ITGBL1: variants seen among roughly 807,000 people sequenced by gnomAD.
The protein encoded by ITGBL1 is integrin subunit beta like 1, also known as integrin beta-like protein 1.
ITGBL1 carries 51 observed loss-of-function variants against 68.5 expected under a neutral mutation model. The ratio of observed to expected loss-of-function variants is 0.74; its 90% CI spans 0.59 to 0.94. ITGBL1 has a LOEUF of 0.94. Among genes scored for constraint, ITGBL1 ranks in the 40% least tolerant of loss-of-function variants. The probability of loss-of-function intolerance (pLI) is 0.00; values close to 1 mark genes in which losing one functional copy is unlikely to be tolerated. For missense variants in ITGBL1, 649 were observed against 647.4 expected (o/e 1.00, Z -0.03); for synonymous variants, 209 against 227.3 (o/e 0.92, Z 0.72).
chr13:101,536,558 A>C (rs2049580416), intron 2 of ITGBL1, among the ~76,000 whole-genome samples: 1 of 151,966 alleles, frequency 6.6e-6, no homozygotes, highest in Non-Finnish European at 1.5e-5. Flanking sequence ...GATTTGAGGC[A>C]AGTCAGTTGG....
chr13:101,539,613 T>C (rs1282608078), intron 2 of ITGBL1, among the ~76,000 whole-genome samples: 2 of 151,938 alleles, frequency 1.3e-5, no homozygotes, highest in East Asian at 3.9e-4. Context: ...TTTAGATCCC[T>C]GAGGAATCGC....
intron 7 of ITGBL1, among the ~76,000 whole-genome samples, chr13:101,648,975 C>G (rs1053623971): frequency 6.6e-6 from 1 of 151,972 alleles, no homozygotes; most frequent in Non-Finnish European, 1.5e-5. Flanking sequence ...ATAAGTGATA[C>G]TAAGATTGAC....
intron 7 of ITGBL1, among the ~76,000 whole-genome samples, chr13:101,611,984 T>C (rs1376656639): frequency 6.6e-6 from 1 of 152,192 alleles, no homozygotes; most frequent in Non-Finnish European, 1.5e-5. Context: ...ACCAAGAGTC[T>C]GCTTGGGATT....
At chr13:101,605,544 A>G (rs886574125) in intron 7 of ITGBL1, among the ~76,000 whole-genome samples, 2 of 151,804 alleles carry the variant, frequency 1.3e-5, no homozygotes, top group African/African-American at 2.4e-5. Flanking sequence ...GCGTATATAT[A>G]CACGTATTTA....
chr13:101,638,684 G>A (rs1231161495), intron 7 of ITGBL1, among the ~76,000 whole-genome samples: 1 of 152,052 alleles, frequency 6.6e-6, no homozygotes, highest in Non-Finnish European at 1.5e-5. Context: ...TCACTACCAT[G>A]AGAGCAATAT....
At chr13:101,615,660 A>G (rs1267162200) in intron 7 of ITGBL1, among the ~76,000 whole-genome samples, 4 of 151,952 alleles carry the variant, frequency 2.6e-5, no homozygotes, top group Admixed American at 2.6e-4. Flanking sequence ...GTGGTAGTAC[A>G]TGCCTGTAGT....
At position 101,540,412 on chromosome 13, in the gene ITGBL1, A is replaced by T. The variant is rs1299927724; in HGVS notation, c.317-27287A>T. Among the ~76,000 whole-genome samples the T allele has an allele frequency of 2.0e-5, 3 of 152,168 alleles. No homozygotes were observed. The South Asian group carries it at 6.2e-4, about 32-fold the overall frequency. ...GCTCTGTTCTGTTCCATTGGTCTAT[A>T]TCTCTGTTTTGGTACCAGTACCATG... On this transcript the variant is annotated intron_variant, in intron 2 of 10. Coordinates refer to ENST00000376180, the MANE Select transcript of ITGBL1 (RefSeq NM_004791.3).
chr13:101,551,652 T>C (rs2049922265), intron 2 of ITGBL1, among the ~76,000 whole-genome samples: 1 of 152,218 alleles, frequency 6.6e-6, no homozygotes, highest in South Asian at 2.1e-4. Flanking sequence ...GAATTTCCTT[T>C]TCTAGAAGTG....
chr13:101,469,804 C>G (rs906050902), intron 2 of ITGBL1, among the ~76,000 whole-genome samples: 4 of 152,278 alleles, frequency 2.6e-5, no homozygotes, highest in Middle Eastern at 3.4e-3. Flanking sequence ...CTGAATTTAA[C>G]AATCTTTTCC....
chr13:101,594,134 T>G (rs1232268084), intron 6 of ITGBL1, among the ~76,000 whole-genome samples: 1 of 152,098 alleles, frequency 6.6e-6, no homozygotes, highest in Non-Finnish European at 1.5e-5. Context: ...TAAAGCAATC[T>G]TCAGCAAGAA....
intron 4 of ITGBL1, 71 bp downstream of exon 4, chr13:101,575,617 C>G (rs1470368876): frequency 1.4e-6 from 2 of 1,480,570 alleles, no homozygotes; most frequent in African/African-American, 2.8e-5. Context: ...GTTCTTTTAT[C>G]TCTACATAAG....
At chr13:101,549,397 C>CG (rs2049883006) in intron 2 of ITGBL1, among the ~76,000 whole-genome samples, 2 of 151,544 alleles carry the variant, frequency 1.3e-5, no homozygotes, top group Non-Finnish European at 3.0e-5. Flanking sequence ...ATATATGTCA[C>CG]AAAACTTAGA....
chr13:101,564,120 T>C (rs747455218), intron 2 of ITGBL1, among the ~76,000 whole-genome samples: 26 of 151,896 alleles, frequency 1.7e-4, no homozygotes, highest in Non-Finnish European at 3.7e-4. Flanking sequence ...GTGCAAGCTT[T>C]TTTGCTGATG....
At position 101,454,079 on chromosome 13, in the gene ITGBL1, T is replaced by C; in HGVS notation, c.295T>C (p.Tyr99His). 2 of 1,581,808 alleles carry C rather than the reference T, an allele frequency of 1.3e-6. No homozygotes were observed. The highest frequency in any genetic ancestry group is 1.8e-5 in the Admixed American group (1 of 55,766). ...CECHEWVCET[Y>H]DGSTCAGHGK... ...GTGCCATGAGTGGGTGTGCGAGACC[T>C]ACGACGGGAGCACCTGTGCAGGTAA... The change falls in exon 2 of 11, where the codon TAC becomes CAC. Residue 99 changes from tyrosine (Y) to histidine (H), a missense_variant. Coordinates refer to ENST00000376180, the MANE Select transcript of ITGBL1 (RefSeq NM_004791.3).
chr13:101,676,355 G>GAT (rs1179140561), intron 7 of ITGBL1, among the ~76,000 whole-genome samples: 1 of 152,002 alleles, frequency 6.6e-6, no homozygotes. Flanking sequence ...TATAGATATA[G>GAT]ATATATATCC....
rs1489957314 is a variant in ITGBL1, at chr13:101,520,826, T to A, written c.317-46873T>A. Among the ~76,000 whole-genome samples, 9 of 151,822 alleles carry A rather than the reference T, an allele frequency of 5.9e-5. 1 individual carries two copies. The highest frequency in any genetic ancestry group is 1.7e-4 in the African/African-American group (7 of 41,318). ...ACAAAGCCAAGGGGCCTAAAGGAGGTGGAAATGCAGCATACTAGAGGCCAG... is the reference window on the plus strand; with the variant it reads ...ACAAAGCCAAGGGGCCTAAAGGAGGAGGAAATGCAGCATACTAGAGGCCAG... On this transcript the variant is annotated intron_variant, in intron 2 of 10. Coordinates refer to ENST00000376180, the MANE Select transcript of ITGBL1 (RefSeq NM_004791.3).
intron 6 of ITGBL1, among the ~76,000 whole-genome samples, chr13:101,593,438 A>G (rs1269486755): frequency 6.6e-6 from 1 of 152,068 alleles, no homozygotes; most frequent in African/African-American, 2.4e-5. Context: ...TATCCAAAAG[A>G]AGTGAAATCA....
intron 7 of ITGBL1, among the ~76,000 whole-genome samples, chr13:101,630,005 G>C (rs901571259): frequency 2.0e-5 from 3 of 152,014 alleles, no homozygotes; most frequent in African/African-American, 7.2e-5. Flanking sequence ...TGTATTTTTA[G>C]TAGAGACGGG....
chr13:101,513,193 C>A (rs141851607), intron 2 of ITGBL1, among the ~76,000 whole-genome samples: 64 of 151,968 alleles, frequency 4.2e-4, no homozygotes, highest in African/African-American at 1.5e-3. Context: ...CTAGGACTTG[C>A]CTGATATTCC....
Sources: allele counts gnomAD v4.1 joint callset (sites outside exome capture counted in the v4.1 genomes callset), GRCh38; gene constraint gnomAD v4.1.1; transcripts MANE v1.5; gene names NCBI Gene and HGNC (gene_info 2026-07-23, HGNC 2026-07-21).